SCGB2B2: variants seen among roughly 807,000 people sequenced by gnomAD.
SCGB2B2 encodes secretoglobin family 2B member 2.
A neutral mutation model predicts 7.6 loss-of-function variants in SCGB2B2; 11 were observed. The ratio of observed to expected loss-of-function variants is 1.45; its 90% CI spans 0.91 to 2.40. The LOEUF (loss-of-function observed/expected upper bound fraction) is 2.40. Ranked by LOEUF, SCGB2B2 falls within the 30% of genes most tolerant of loss-of-function variation. SCGB2B2 has a pLI of 0.00. For missense variants in SCGB2B2, 104 were observed against 115.4 expected (o/e 0.90, Z 0.45); for synonymous variants, 50 against 48.6 (o/e 1.03, Z -0.12).
chr19:34,630,868 T>C (rs2066510046), intron 1 of SCGB2B2, among the ~76,000 whole-genome samples: 2 of 151,926 alleles, frequency 1.3e-5, no homozygotes, highest in Non-Finnish European at 2.9e-5. Context: ...CCAACCCAAA[T>C]GTCCAATAAT....
At chr19:34,630,623 G>A (rs404899) in intron 1 of SCGB2B2, among the ~76,000 whole-genome samples, 13,424 of 151,910 alleles carry the variant, frequency 0.088, 880 homozygotes, top group East Asian at 0.28. Flanking sequence ...AACAGGTGCT[G>A]GAGAGGATGT....
chr19:34,602,919 G>A (rs1204211653), intron 1 of SCGB2B2, among the ~76,000 whole-genome samples: 1 of 152,186 alleles, frequency 6.6e-6, no homozygotes, highest in Non-Finnish European at 1.5e-5. Flanking sequence ...TGGATACAGA[G>A]AATGAACCAT....
At chr19:34,603,376 CTCCATG>C (rs1226462747) in intron 1 of SCGB2B2, among the ~76,000 whole-genome samples, 1 of 152,240 alleles carries the variant, frequency 6.6e-6, no homozygotes, top group African/African-American at 2.4e-5. Flanking sequence ...TGGAGGACAG[CTCCATG>C]TCCATGTTAA....
intron 1 of SCGB2B2, among the ~76,000 whole-genome samples, chr19:34,647,009 C>T (rs1304775846): frequency 6.6e-6 from 1 of 152,126 alleles, no homozygotes; most frequent in South Asian, 2.1e-4. Flanking sequence ...CCAGCACAAC[C>T]CCACCCCGCC....
At chr19:34,585,571 C>G in the SCGB2B2 span, among the ~76,000 whole-genome samples, 2 of 152,124 alleles carry the variant, frequency 1.3e-5, no homozygotes, top group African/African-American at 4.8e-5. Flanking sequence ...GCTGGCCATG[C>G]CATGTAGGAG....
chr19:34,648,279 A>C lies in SCGB2B2; in HGVS notation c.-2032+27351T>G, dbSNP rs551715363. Among the ~76,000 whole-genome samples the C allele has an allele frequency of 3.9e-5, 6 of 152,356 alleles. No individual in the cohort carries two copies. In the South Asian group the frequency reaches 6.2e-4, roughly 16 times the overall value. On this transcript the variant is annotated intron_variant, in intron 1 of 3. Coordinates refer to ENST00000601241, the MANE Select transcript of SCGB2B2 (RefSeq NM_001025591.4). ...GGTGGAATTTAAATCCATGGAGATA[A>C]AGACAAGAATAAATCTCATGTTATT... is the stretch of plus-strand genomic sequence containing the variant.
At chr19:34,621,374 G>A (rs2066236781) in intron 1 of SCGB2B2, among the ~76,000 whole-genome samples, 1 of 152,006 alleles carries the variant, frequency 6.6e-6, no homozygotes, top group Non-Finnish European at 1.5e-5. Flanking sequence ...TTTTGAGTGG[G>A]TTATATTCAC....
chr19:34,629,480 AAACAG>A (rs2066468524), intron 1 of SCGB2B2, among the ~76,000 whole-genome samples: 1 of 151,914 alleles, frequency 6.6e-6, no homozygotes, highest in African/African-American at 2.4e-5. Context: ...AATAACAGAT[AAACAG>A]AGAACCAAAT....
intron 1 of SCGB2B2, among the ~76,000 whole-genome samples, chr19:34,602,682 G>T (rs1430561067): frequency 6.6e-6 from 1 of 152,160 alleles, no homozygotes; most frequent in East Asian, 1.9e-4. Flanking sequence ...CTCTACTGAT[G>T]GTCAAAGGTC....
chr19:34,609,540 T>C (rs1344315069), intron 1 of SCGB2B2, among the ~76,000 whole-genome samples: 2 of 152,130 alleles, frequency 1.3e-5, no homozygotes, highest in African/African-American at 4.8e-5. Context: ...GGCATATTAA[T>C]ATCCAATTTT....
In SCGB2B2 at chr19:34,596,368, G is replaced by C. The variant is rs1408740132; in HGVS notation, c.-1805C>G. On this transcript the variant is annotated 5_prime_UTR_variant, in exon 2 of 4. Transcript: ENST00000601241. Reference sequence around the variant, plus strand: ...ACCTGCGCAGTGCAGGCGTCCATGCGTGCTGAGACTCTCAGCCGGCTCTGT... The same window carrying C: ...ACCTGCGCAGTGCAGGCGTCCATGCCTGCTGAGACTCTCAGCCGGCTCTGT... 6.6e-6 allele frequency: 1 copy of C among 152,508 alleles called. No individual in the cohort carries two copies. The highest frequency in any genetic ancestry group is 1.5e-5 in the Non-Finnish European group (1 of 68,124). The allele number at this position is 152,508 out of a possible 1,614,324, so 9.4% of individuals were successfully genotyped here.
intron 1 of SCGB2B2, among the ~76,000 whole-genome samples, chr19:34,666,454 C>T (rs898650926): frequency 2.7e-4 from 41 of 152,120 alleles, no homozygotes; most frequent in African/African-American, 9.4e-4. Context: ...GGGCCACCTG[C>T]GGGTCCCAGT....
chr19:34,622,694 A>C (rs561826319), intron 1 of SCGB2B2, among the ~76,000 whole-genome samples: 7 of 152,304 alleles, frequency 4.6e-5, no homozygotes, highest in African/African-American at 1.7e-4. Flanking sequence ...ACAGAGGAGA[A>C]TGTCATCTAC....
chr19:34,604,185 G>A lies in SCGB2B2; in HGVS notation c.-2031-7591C>T, dbSNP rs77270978. ...ATCACTCACTGCCCTCCCAGTTCAG[G>A]TGCAGTTCCCCATTTCCCCTCACTC... On this transcript the variant is annotated intron_variant, in intron 1 of 3. Coordinates refer to ENST00000601241, the MANE Select transcript of SCGB2B2 (RefSeq NM_001025591.4). 1.2e-4 allele frequency among the ~76,000 whole-genome samples: 19 copies of A among 152,218 alleles called. No homozygotes were observed. The East Asian group carries it at 3.7e-3, about 29-fold the overall frequency.
intron 1 of SCGB2B2, among the ~76,000 whole-genome samples, chr19:34,657,584 C>G (rs1021668624): frequency 2.6e-5 from 4 of 152,126 alleles, no homozygotes; most frequent in Non-Finnish European, 5.9e-5. Flanking sequence ...AATGCAGGAG[C>G]ACCCAGACTC....
Position 34,603,795 on chromosome 19 carries a change from C to CTTTTTTTTTT in SCGB2B2, c.-2031-7211_-2031-7202dup, listed in dbSNP as rs71165672. On this transcript the variant is annotated intron_variant, in intron 1 of 3. Transcript: ENST00000601241. ...TATCTTATTTTTTAATGTTTTATTA[C>CTTTTTTTTTT]TTTTTTTTTTTTTTTTTAACAGATA... is the stretch of plus-strand genomic sequence containing the variant. Among the ~76,000 whole-genome samples, 2 of 131,288 alleles carry CTTTTTTTTTT rather than the reference C, an allele frequency of 1.5e-5. 1 individual carries two copies. Among genetic ancestry groups the CTTTTTTTTTT allele is most frequent in the Non-Finnish European group, 3.2e-5 (2 of 62,960 alleles). 86.1% of individuals were successfully genotyped at this position (131,288 alleles called of 152,430 possible).
chr19:34,661,293 G>A (rs113809673), intron 1 of SCGB2B2, among the ~76,000 whole-genome samples: 42 of 151,410 alleles, frequency 2.8e-4, no homozygotes, highest in Middle Eastern at 3.4e-3. Context: ...ATAAATAAAC[G>A]TGCAATGACA....
intron 1 of SCGB2B2, among the ~76,000 whole-genome samples, chr19:34,669,635 C>G (rs746326545): frequency 6.8e-6 from 1 of 147,782 alleles, no homozygotes; most frequent in Non-Finnish European, 1.5e-5. Context: ...GCATGCTGAG[C>G]TTAGTTCCTG....
Position 34,649,248 on chromosome 19 carries a change from C to T in SCGB2B2, c.-2032+26382G>A, listed in dbSNP as rs537446405. On this transcript the variant is annotated intron_variant, in intron 1 of 3. Transcript: ENST00000601241. ...GGACTGACACTGTATGTAAAAGTTCCGGAACAGTACAGAAGGTAAACAGTT... is the reference window on the plus strand; with the variant it reads ...GGACTGACACTGTATGTAAAAGTTCTGGAACAGTACAGAAGGTAAACAGTT... Among the ~76,000 whole-genome samples, 10 of 152,174 alleles carry T rather than the reference C, an allele frequency of 6.6e-5. No individual in the cohort carries two copies. The East Asian group carries it at 7.7e-4, about 12-fold the overall frequency.
Sources: allele counts gnomAD v4.1 joint callset (sites outside exome capture counted in the v4.1 genomes callset), GRCh38; gene constraint gnomAD v4.1.1; transcripts MANE v1.5; gene names NCBI Gene and HGNC (gene_info 2026-07-23, HGNC 2026-07-21).